The following TASP1 variants were observed in gnomAD, a reference collection of about 807,000 sequenced individuals.
TASP1 encodes threonine aspartase 1.
A neutral mutation model predicts 56.6 loss-of-function variants in TASP1; 16 were observed. The observed-to-expected ratio is 0.28, with a 90% CI of 0.19 to 0.43. The LOEUF is 0.43. Among genes scored for constraint, TASP1 ranks in the 20% least tolerant of loss-of-function variants. TASP1 has a pLI of 1.00. For synonymous variants in TASP1, 179 were observed against 184.2 expected, an observed-to-expected ratio of 0.97 and a Z score of 0.23; for missense variants, 393 against 511.6, an observed-to-expected ratio of 0.77 and a Z score of 2.24.
chr20:13,153,921 A>G, the TASP1 span: 1 of 1,560,904 alleles, frequency 6.4e-7, no homozygotes, highest in Non-Finnish European at 8.7e-7. Context: ...AGAAAGACTT[A>G]AAGATGCTTG....
the TASP1 span, among the ~76,000 whole-genome samples, chr20:13,321,524 A>G: frequency 6.6e-6 from 1 of 152,174 alleles, no homozygotes; most frequent in Non-Finnish European, 1.5e-5. Flanking sequence ...TTAGCACTGC[A>G]AGGTAAACAT....
intron 11 of TASP1, among the ~76,000 whole-genome samples, chr20:13,444,802 T>C (rs2043344249): frequency 6.6e-6 from 1 of 152,094 alleles, no homozygotes; most frequent in Non-Finnish European, 1.5e-5. Context: ...TGGAGGTAAA[T>C]GAGCCTACAG....
the TASP1 span, among the ~76,000 whole-genome samples, chr20:13,254,884 A>T: frequency 6.6e-6 from 1 of 152,190 alleles, no homozygotes; most frequent in Non-Finnish European, 1.5e-5. Flanking sequence ...CCTGTTTGTC[A>T]TTCCTTCCTT....
At chr20:13,430,411 G>A (rs1023989227) in intron 12 of TASP1, among the ~76,000 whole-genome samples, 2 of 152,148 alleles carry the variant, frequency 1.3e-5, no homozygotes, top group African/African-American at 4.8e-5. Flanking sequence ...TCACCTGAAG[G>A]CTCACTCAGA....
the TASP1 span, among the ~76,000 whole-genome samples, chr20:13,313,890 C>T: frequency 3.9e-5 from 6 of 152,036 alleles, no homozygotes; most frequent in Non-Finnish European, 8.8e-5. Context: ...AAGTTGGCAA[C>T]ATGCAAAAAT....
chr20:13,457,551 T>C (rs961257761), intron 11 of TASP1, among the ~76,000 whole-genome samples: 2 of 152,172 alleles, frequency 1.3e-5, no homozygotes, highest in African/African-American at 4.8e-5. Flanking sequence ...GATGTTTTTC[T>C]GTATATACAC....
chr20:13,463,348 C>G (rs905871200), intron 11 of TASP1, among the ~76,000 whole-genome samples: 2 of 152,072 alleles, frequency 1.3e-5, no homozygotes, highest in African/African-American at 2.4e-5. Context: ...TGCTTTACAA[C>G]ATATGCAAAA....
At chr20:13,360,489 T>A in the TASP1 span, among the ~76,000 whole-genome samples, 1 of 151,732 alleles carries the variant, frequency 6.6e-6, no homozygotes, top group African/African-American at 2.4e-5. Flanking sequence ...TTCCTAGGCA[T>A]GGTTAGCGCG....
chr20:13,149,153 G>T, the TASP1 span, among the ~76,000 whole-genome samples: 1 of 152,154 alleles, frequency 6.6e-6, no homozygotes, highest in Non-Finnish European at 1.5e-5. Flanking sequence ...CTACATAAGA[G>T]ATTATTTCAT....
the TASP1 span, among the ~76,000 whole-genome samples, chr20:13,113,486 G>T: frequency 6.6e-6 from 1 of 152,086 alleles, no homozygotes; most frequent in East Asian, 1.9e-4. Flanking sequence ...GAGATATCAA[G>T]ATAGAAAAGG....
intron 13 of TASP1, among the ~76,000 whole-genome samples, chr20:13,408,616 G>A (rs892783825): frequency 6.6e-6 from 1 of 152,098 alleles, no homozygotes; most frequent in Non-Finnish European, 1.5e-5. Context: ...TGCCAGTGAT[G>A]CCATCTGGGC....
the TASP1 span, among the ~76,000 whole-genome samples, chr20:13,363,357 A>C: frequency 2.0e-5 from 3 of 152,132 alleles, no homozygotes; most frequent in Non-Finnish European, 1.5e-5. Context: ...CAGTGGGGTC[A>C]ATTTATTCAT....
At chr20:13,202,212 A>G in the TASP1 span, among the ~76,000 whole-genome samples, 1 of 152,196 alleles carries the variant, frequency 6.6e-6, no homozygotes, top group South Asian at 2.1e-4. Context: ...GCTGATTTCA[A>G]TGGCACAAAT....
At chr20:13,153,905 G>C in the TASP1 span, 1 of 1,489,786 alleles carries the variant, frequency 6.7e-7, no homozygotes, top group South Asian at 1.3e-5. Context: ...AGTGCTGCTG[G>C]CCTGCAGAAA....
the TASP1 span, among the ~76,000 whole-genome samples, chr20:13,255,739 T>C: frequency 6.6e-6 from 1 of 152,180 alleles, no homozygotes; most frequent in Non-Finnish European, 1.5e-5. Context: ...CAGCCATTAC[T>C]TGCCCCCTCA....
chr20:13,147,993 C>A, the TASP1 span, among the ~76,000 whole-genome samples: 1 of 152,144 alleles, frequency 6.6e-6, no homozygotes, highest in South Asian at 2.1e-4. Flanking sequence ...ACTCGTCAAC[C>A]CCATCTCTTT....
intron 10 of TASP1, among the ~76,000 whole-genome samples, chr20:13,522,190 C>T (rs1312897248): frequency 1.3e-5 from 2 of 152,170 alleles, no homozygotes; most frequent in African/African-American, 4.8e-5. Context: ...ATAGGCCCTT[C>T]ATTAGGACTG....
chr20:13,495,012 T>G (rs767790415), intron 10 of TASP1, among the ~76,000 whole-genome samples: 1 of 151,784 alleles, frequency 6.6e-6, no homozygotes, highest in Non-Finnish European at 1.5e-5. Flanking sequence ...AGATGTCATG[T>G]AAAATATTTC....
chr20:13,183,862 T>C, the TASP1 span, among the ~76,000 whole-genome samples: 1 of 151,936 alleles, frequency 6.6e-6, no homozygotes, highest in African/African-American at 2.4e-5. Flanking sequence ...ACGCTGTCTC[T>C]ACTAAAAATA....
Sources: allele counts gnomAD v4.1 joint callset (sites outside exome capture counted in the v4.1 genomes callset), GRCh38; gene constraint gnomAD v4.1.1; transcripts MANE v1.5; gene names NCBI Gene and HGNC (gene_info 2026-07-23, HGNC 2026-07-21).